GLIPR1L2: variants seen among roughly 807,000 people sequenced by gnomAD.
GLIPR1L2 encodes the protein GLIPR1-like protein 2.
A neutral mutation model predicts 28.4 loss-of-function variants in GLIPR1L2; 21 were observed. The observed-to-expected ratio is 0.74, with a 90% CI of 0.52 to 1.06. GLIPR1L2 has a LOEUF of 1.06. Among genes scored for constraint, GLIPR1L2 ranks in the 50% least tolerant of loss-of-function variants. The probability of loss-of-function intolerance (pLI) is 0.00; values close to 1 mark genes in which losing one functional copy is unlikely to be tolerated. For missense variants in GLIPR1L2, 476 were observed against 416.9 expected (o/e 1.14, Z -1.23); for synonymous variants, 145 against 139.3 (o/e 1.04, Z -0.29).
chr12:75,395,833 T>G (rs2045676231), intron 1 of GLIPR1L2, among the ~76,000 whole-genome samples: 1 of 151,972 alleles, frequency 6.6e-6, no homozygotes, highest in Non-Finnish European at 1.5e-5. Flanking sequence ...ATAGTTCTGT[T>G]GATTTTCTCT....
rs566203358 is a variant in GLIPR1L2 at position 75,421,317 on chromosome 12, C to G, written c.585-1587C>G. On this transcript the variant is annotated intron_variant, in intron 3 of 5. Transcript: ENST00000550916. ...GTGATATATGATCTACAAATAACCACAAACCTCTGGATGTTCCTGATAGAC... is the reference window on the plus strand; with the variant it reads ...GTGATATATGATCTACAAATAACCAGAAACCTCTGGATGTTCCTGATAGAC... Among the ~76,000 whole-genome samples, 107 of 152,304 alleles carry G rather than the reference C, an allele frequency of 7.0e-4. 1 individual carries two copies. Among genetic ancestry groups the G allele is most frequent in the African/African-American group, 2.3e-3 (95 of 41,570 alleles).
chr12:75,420,885 C>T (rs1023304979), intron 3 of GLIPR1L2, among the ~76,000 whole-genome samples: 5 of 152,160 alleles, frequency 3.3e-5, no homozygotes, highest in Non-Finnish European at 7.3e-5. Context: ...TCATTGTAGT[C>T]TACCACAGTG....
chr12:75,426,449 A>G (rs2046035088), intron 4 of GLIPR1L2, among the ~76,000 whole-genome samples: 1 of 152,206 alleles, frequency 6.6e-6, no homozygotes, highest in African/African-American at 2.4e-5. Flanking sequence ...TCTCCATTGT[A>G]TTATACTAAG....
chr12:75,424,453 A>G (rs2046012983), intron 4 of GLIPR1L2, among the ~76,000 whole-genome samples: 1 of 151,992 alleles, frequency 6.6e-6, no homozygotes, highest in African/African-American at 2.4e-5. Flanking sequence ...TTCTTTGTAG[A>G]TTCTGGAAAA....
At chr12:75,429,929 C>A (rs958774708) in intron 4 of GLIPR1L2, among the ~76,000 whole-genome samples, 3 of 105,022 alleles carry the variant, frequency 2.9e-5, no homozygotes, top group African/African-American at 9.7e-5. Context: ...CTTTTCTTTT[C>A]TTTTCTTTCT....
chr12:75,398,413 C>T (rs540804693), intron 1 of GLIPR1L2, among the ~76,000 whole-genome samples: 7 of 148,924 alleles, frequency 4.7e-5, no homozygotes, highest in African/African-American at 1.7e-4. Flanking sequence ...ACCTAGAAAA[C>T]GCAAGCAATT....
intron 1 of GLIPR1L2, among the ~76,000 whole-genome samples, chr12:75,406,774 AG>A (rs750677704): frequency 0.13 from 16,942 of 128,068 alleles, 1,312 homozygotes; most frequent in Admixed American, 0.2. Flanking sequence ...AAAAAAAAAA[AG>A]AGAGAGAGAG....
intron 4 of GLIPR1L2, among the ~76,000 whole-genome samples, chr12:75,427,939 C>T (rs2046051009): frequency 6.6e-6 from 1 of 152,260 alleles, no homozygotes; most frequent in African/African-American, 2.4e-5. Flanking sequence ...GTAAATTATC[C>T]AGTCTCAGGT....
At chr12:75,428,323 G>C (rs1033619705) in intron 4 of GLIPR1L2, among the ~76,000 whole-genome samples, 3 of 152,166 alleles carry the variant, frequency 2.0e-5, no homozygotes, top group Non-Finnish European at 2.9e-5. Flanking sequence ...CTTTGAGCTT[G>C]AGACAGATGA....
Position 75,410,418 on chromosome 12 carries a change from T to G in GLIPR1L2, c.235-16T>G, listed in dbSNP as rs554813469. On this transcript the variant is annotated splice_polypyrimidine_tract_variant and intron_variant, in intron 1 of 5. Transcript: ENST00000550916. Reference sequence around the variant, plus strand: ...AAAACTTATTTTGTTCTCTTTGCTTTTTGAATATTTTTCAGACTTGGGATG... The same window carrying G: ...AAAACTTATTTTGTTCTCTTTGCTTGTTGAATATTTTTCAGACTTGGGATG... The G allele has an allele frequency of 4.7e-5, 71 of 1,497,590 alleles. No homozygotes were observed. In the South Asian group the frequency reaches 9.4e-4, roughly 20 times the overall value. 92.8% of individuals were successfully genotyped at this position (1,497,590 alleles called of 1,614,324 possible).
intron 2 of GLIPR1L2, among the ~76,000 whole-genome samples, chr12:75,411,762 A>G (rs1566071120): frequency 6.6e-6 from 1 of 151,850 alleles, no homozygotes; most frequent in Non-Finnish European, 1.5e-5. Context: ...GTGTCTCTTT[A>G]TTTCTTTAAG....
At chr12:75,427,493 A>C (rs968170574) in intron 4 of GLIPR1L2, among the ~76,000 whole-genome samples, 3 of 152,216 alleles carry the variant, frequency 2.0e-5, no homozygotes, top group Admixed American at 6.5e-5. Context: ...GTGCCTTAAC[A>C]ATGAGTTCTA....
chr12:75,413,538 T>C, intron 2 of GLIPR1L2, 60 bp from the exon 3 acceptor site: 2 of 900,018 alleles, frequency 2.2e-6, no homozygotes, highest in East Asian at 2.6e-5. Flanking sequence ...TTATTGTTTA[T>C]AATATGAAAG....
chr12:75,397,812 C>T (rs545486977), intron 1 of GLIPR1L2, among the ~76,000 whole-genome samples: 111 of 151,962 alleles, frequency 7.3e-4, no homozygotes, highest in Non-Finnish European at 1.3e-3. Flanking sequence ...AGGAAGAAGT[C>T]GGCATCCTGA....
At chr12:75,391,826 C>A (rs1021972905) in intron 1 of GLIPR1L2, among the ~76,000 whole-genome samples, 4 of 151,872 alleles carry the variant, frequency 2.6e-5, no homozygotes, top group Non-Finnish European at 5.9e-5. Context: ...TTAGCTTTTT[C>A]CATCATCGAT....
At chr12:75,421,598 G>A (rs115619329) in intron 3 of GLIPR1L2, among the ~76,000 whole-genome samples, 6,150 of 152,206 alleles carry the variant, frequency 0.04, 137 homozygotes, top group East Asian at 0.054. Flanking sequence ...CCACTCAAAT[G>A]TATCTTTTCC....
chr12:75,425,391 TG>T (rs1472748170), intron 4 of GLIPR1L2, among the ~76,000 whole-genome samples: 1 of 151,968 alleles, frequency 6.6e-6, no homozygotes, highest in Non-Finnish European at 1.5e-5. Context: ...ACACATGAGG[TG>T]TCTGAGTGCA....
chr12:75,395,468 T>C (rs1419085445), intron 1 of GLIPR1L2, among the ~76,000 whole-genome samples: 1 of 151,910 alleles, frequency 6.6e-6, no homozygotes, highest in East Asian at 1.9e-4. Flanking sequence ...AATGAGTTAA[T>C]AAATATTCTC....
chr12:75,407,115 C>T (rs947929042), intron 1 of GLIPR1L2, among the ~76,000 whole-genome samples: 1 of 152,070 alleles, frequency 6.6e-6, no homozygotes, highest in African/African-American at 2.4e-5. Flanking sequence ...CCCCCTCAAA[C>T]TTGATGTCTC....
Sources: allele counts gnomAD v4.1 joint callset (sites outside exome capture counted in the v4.1 genomes callset), GRCh38; gene constraint gnomAD v4.1.1; transcripts MANE v1.5; gene names NCBI Gene and HGNC (gene_info 2026-07-23, HGNC 2026-07-21).